ZNRF3: variants seen among roughly 807,000 people sequenced by gnomAD.
ZNRF3 encodes zinc and ring finger 3.
In ZNRF3, 23 loss-of-function variants were observed where a neutral mutation model predicts 72.5. That is an observed-to-expected ratio of 0.32 (90% CI 0.23 to 0.45). The LOEUF is 0.45. Among genes scored for constraint, ZNRF3 ranks in the 20% least tolerant of loss-of-function variants. The pLI, the probability that ZNRF3 is intolerant of heterozygous loss-of-function variation, is 1.00. For missense variants in ZNRF3, 1,169 were observed against 1,272.1 expected (o/e 0.92, Z 1.23); for synonymous variants, 610 against 545.3 (o/e 1.12, Z -1.65).
intron 2 of ZNRF3, among the ~76,000 whole-genome samples, chr22:29,012,241 C>G (rs1264450139): frequency 6.6e-6 from 1 of 152,222 alleles, no homozygotes; most frequent in Non-Finnish European, 1.5e-5. Flanking sequence ...GGCCAAGGTC[C>G]AATTGAATGG....
At chr22:28,933,505 C>T (rs2034750819) in intron 1 of ZNRF3, among the ~76,000 whole-genome samples, 1 of 152,130 alleles carries the variant, frequency 6.6e-6, no homozygotes, top group Non-Finnish European at 1.5e-5. Flanking sequence ...AAAGGGCTTC[C>T]TCTGCTATTA....
intron 6 of ZNRF3, among the ~76,000 whole-genome samples, chr22:29,047,884 A>G (rs2037104121): frequency 6.6e-6 from 1 of 152,164 alleles, no homozygotes; most frequent in South Asian, 2.1e-4. Flanking sequence ...AGGATCCAGT[A>G]AAGGAGGGGA....
intron 1 of ZNRF3, among the ~76,000 whole-genome samples, chr22:28,972,006 C>G (rs543296267): frequency 1.3e-5 from 2 of 152,312 alleles, no homozygotes; most frequent in Admixed American, 6.5e-5. Flanking sequence ...CTGCGCCCAG[C>G]CTGTTCTTTT....
intron 2 of ZNRF3, among the ~76,000 whole-genome samples, chr22:28,994,762 A>C (rs1184296597): frequency 6.6e-6 from 1 of 152,212 alleles, no homozygotes; most frequent in Non-Finnish European, 1.5e-5. Context: ...ACAGTTAAAA[A>C]AACAATGGTA....
intron 1 of ZNRF3, among the ~76,000 whole-genome samples, chr22:28,891,018 G>T (rs2033877023): frequency 6.6e-6 from 1 of 152,150 alleles, no homozygotes; most frequent in Non-Finnish European, 1.5e-5. Context: ...TGGCCTCCCA[G>T]TGCTCTGGGA....
chr22:29,001,131 C>G (rs549400804), intron 2 of ZNRF3, among the ~76,000 whole-genome samples: 1 of 124,370 alleles, frequency 8.0e-6, no homozygotes, highest in Non-Finnish European at 1.6e-5. Flanking sequence ...TGCAGTGGCG[C>G]GATTTCAGCT....
chr22:28,909,126 G>T (rs944826417), intron 1 of ZNRF3, among the ~76,000 whole-genome samples: 1 of 151,940 alleles, frequency 6.6e-6, no homozygotes, highest in East Asian at 1.9e-4. Context: ...GGCTGGTCTC[G>T]AACTCCTGAG....
intron 6 of ZNRF3, among the ~76,000 whole-genome samples, chr22:29,047,398 C>T (rs898764769): frequency 2.0e-5 from 3 of 151,384 alleles, no homozygotes; most frequent in Non-Finnish European, 4.4e-5. Context: ...CACATATTTG[C>T]GGGGCAGGGA....
At chr22:29,022,471 C>T (rs1324481339) in intron 2 of ZNRF3, among the ~76,000 whole-genome samples, 1 of 152,180 alleles carries the variant, frequency 6.6e-6, no homozygotes, top group East Asian at 1.9e-4. Context: ...CTGCCCATCA[C>T]TGGATCTTGG....
intron 1 of ZNRF3, among the ~76,000 whole-genome samples, chr22:28,978,313 A>G (rs898882278): frequency 2.0e-5 from 3 of 152,078 alleles, no homozygotes; most frequent in African/African-American, 7.2e-5. Context: ...GTAACACCCA[A>G]ATCTATATCA....
chr22:28,998,602 A>G (rs765176799), intron 2 of ZNRF3, among the ~76,000 whole-genome samples: 69 of 152,366 alleles, frequency 4.5e-4, no homozygotes, highest in African/African-American at 9.9e-4. Flanking sequence ...GTTTTCTTCT[A>G]AGGTCATATG....
Position 28,893,871 on chromosome 22 carries a change from T to C in ZNRF3, c.300+9805T>C, listed in dbSNP as rs531505456. 1.1e-4 allele frequency among the ~76,000 whole-genome samples: 17 copies of C among 152,312 alleles called. No individual in the cohort carries two copies. In the East Asian group the frequency reaches 2.1e-3, roughly 19 times the overall value. ...AGTGATATAAACATTTTTGAGGCTTTTGCTACATATTTTTAGATTGCTCTA... is the reference window on the plus strand; with the variant it reads ...AGTGATATAAACATTTTTGAGGCTTCTGCTACATATTTTTAGATTGCTCTA... On this transcript the variant is annotated intron_variant, in intron 1 of 8. Transcript: ENST00000544604.
chr22:28,946,507 G>T (rs1025825468), intron 1 of ZNRF3, among the ~76,000 whole-genome samples: 2 of 152,180 alleles, frequency 1.3e-5, no homozygotes, highest in Non-Finnish European at 2.9e-5. Context: ...ACTAGTATTT[G>T]GGAATTGGTG....
intron 2 of ZNRF3, chr22:29,018,092 GGGCAGACC>G: frequency 1.9e-6 from 1 of 517,980 alleles, no homozygotes; most frequent in Non-Finnish European, 3.9e-6. Flanking sequence ...GAGGGCGGAC[GGGCAGACC>G]GGATCCAAAC....
chr22:28,960,528 T>C (rs1031194916), intron 1 of ZNRF3, among the ~76,000 whole-genome samples: 1 of 152,176 alleles, frequency 6.6e-6, no homozygotes, highest in African/African-American at 2.4e-5. Context: ...AAATTTGATC[T>C]AGCAGGGAGG....
intron 1 of ZNRF3, among the ~76,000 whole-genome samples, chr22:28,915,391 CTT>C (rs1205811040): frequency 3.3e-5 from 5 of 152,320 alleles, no homozygotes; most frequent in Admixed American, 1.3e-4. Context: ...TTGGTCACCT[CTT>C]TATAGACCCT....
intron 1 of ZNRF3, among the ~76,000 whole-genome samples, chr22:28,971,031 T>G (rs936055881): frequency 6.6e-6 from 1 of 152,102 alleles, no homozygotes; most frequent in Non-Finnish European, 1.5e-5. Flanking sequence ...CAATTAAGTC[T>G]GTGTTTGTTT....
At position 28,901,635 on chromosome 22, in the gene ZNRF3, CTTTTTTTTTTTT is replaced by C. The variant is rs132532; in HGVS notation, c.300+17579_300+17590del. Among the ~76,000 whole-genome samples, 17 of 74,830 alleles carry C rather than the reference CTTTTTTTTTTTT, an allele frequency of 2.3e-4. No individual in the cohort carries two copies. In the East Asian group the frequency reaches 3.8e-3, roughly 17 times the overall value. The allele number at this position is 74,830 out of a possible 152,430, so 49.1% of individuals were successfully genotyped here. ...GGCATGTAATAAATGATGGATGGAC[CTTTTTTTTTTTT>C]TTTTTTTTTGAGACAGAGTCTTGCT... is the stretch of plus-strand genomic sequence containing the variant. On this transcript the variant is annotated intron_variant, in intron 1 of 8. Transcript: ENST00000544604.
chr22:28,989,520 T>C lies in ZNRF3; in HGVS notation c.426+2319T>C, dbSNP rs537796780. On this transcript the variant is annotated intron_variant, in intron 2 of 8. Coordinates refer to ENST00000544604, the MANE Select transcript of ZNRF3 (RefSeq NM_001206998.2). ...GTTAAAGGAAGGCAAAGTTATCCCC[T>C]TGGGCAGCTTAGTCCCTGCAGAATT... Among the ~76,000 whole-genome samples the C allele has an allele frequency of 1.8e-3, 278 of 152,318 alleles. 1 individual carries two copies. The Middle Eastern group carries it at 0.02, about 11-fold the overall frequency.
Sources: allele counts gnomAD v4.1 joint callset (sites outside exome capture counted in the v4.1 genomes callset), GRCh38; gene constraint gnomAD v4.1.1; transcripts MANE v1.5; gene names NCBI Gene and HGNC (gene_info 2026-07-23, HGNC 2026-07-21).